ARHGEF37: variants seen among roughly 807,000 people sequenced by gnomAD.
The protein encoded by ARHGEF37 is Rho guanine nucleotide exchange factor (GEF) 37.
A neutral mutation model predicts 71.1 loss-of-function variants in ARHGEF37; 55 were observed. The ratio of observed to expected loss-of-function variants is 0.77; its 90% CI spans 0.62 to 0.97. ARHGEF37 has a LOEUF of 0.97. ARHGEF37 is among the 50% of genes least tolerant of loss of function. ARHGEF37 has a pLI of 0.00. For missense variants in ARHGEF37, 765 were observed against 836.8 expected, an observed-to-expected ratio of 0.91 and a Z score of 1.06; for synonymous variants, 327 against 350.6, an observed-to-expected ratio of 0.93 and a Z score of 0.75.
intron 3 of ARHGEF37, among the ~76,000 whole-genome samples, chr5:149,601,881 G>A (rs1763764261): frequency 6.6e-6 from 1 of 152,042 alleles, no homozygotes; most frequent in Non-Finnish European, 1.5e-5. Flanking sequence ...TGGCTCCAGG[G>A]AAATTAGTGA....
At position 149,588,808 on chromosome 5, in the gene ARHGEF37, G is replaced by A. The variant is rs553785680; in HGVS notation, c.-12+7184G>A. ...AAAATGGCTCCCCTTTAAAGCCTTG[G>A]GCAGCTAGCTGATGGATCCTCAACT... On this transcript the variant is annotated intron_variant, in intron 1 of 12. Transcript: ENST00000333677. Among the ~76,000 whole-genome samples the A allele has an allele frequency of 2.1e-3, 327 of 152,258 alleles. 2 individuals carry two copies. Among genetic ancestry groups the A allele is most frequent in the African/African-American group, 7.3e-3 (305 of 41,558 alleles).
intron 1 of ARHGEF37, among the ~76,000 whole-genome samples, chr5:149,561,070 C>T (rs1762822512): frequency 6.6e-6 from 1 of 152,014 alleles, no homozygotes; most frequent in Non-Finnish European, 1.5e-5. Flanking sequence ...GTCAGGAGTT[C>T]GAGACCAGAC....
At chr5:149,559,708 T>G (rs1370712829) in intron 1 of ARHGEF37, among the ~76,000 whole-genome samples, 1 of 152,220 alleles carries the variant, frequency 6.6e-6, no homozygotes, top group African/African-American at 2.4e-5. Context: ...AAACCCGTAT[T>G]CATGGACTAT....
At chr5:149,604,708 A>C in intron 3 of ARHGEF37, among the ~76,000 whole-genome samples, 2 of 53,428 alleles carry the variant, frequency 3.7e-5, no homozygotes, top group Non-Finnish European at 3.9e-5. Context: ...TTTGAGACAG[A>C]ATCTCTCTCT....
chr5:149,559,080 T>C (rs1322608729), intron 1 of ARHGEF37, among the ~76,000 whole-genome samples: 1 of 152,128 alleles, frequency 6.6e-6, no homozygotes, highest in Admixed American at 6.6e-5. Flanking sequence ...CCCAGCACTT[T>C]GGGAGGCCGA....
chr5:149,568,497 C>A (rs1762924291), intron 1 of ARHGEF37, among the ~76,000 whole-genome samples: 1 of 152,094 alleles, frequency 6.6e-6, no homozygotes, highest in Admixed American at 6.6e-5. Flanking sequence ...TGAGCTTTAA[C>A]AAATGCATGT....
chr5:149,566,826 T>C (rs1762905348), intron 1 of ARHGEF37, among the ~76,000 whole-genome samples: 1 of 152,188 alleles, frequency 6.6e-6, no homozygotes, highest in Non-Finnish European at 1.5e-5. Context: ...CTCCCCACTT[T>C]CAATTTTATA....
intron 1 of ARHGEF37, among the ~76,000 whole-genome samples, chr5:149,558,319 A>C (rs1762780617): frequency 6.6e-6 from 1 of 152,140 alleles, no homozygotes; most frequent in Admixed American, 6.5e-5. Context: ...CAGCCTGACC[A>C]ACATGGTGAA....
chr5:149,624,241 A>G (rs955527263), intron 10 of ARHGEF37, 101 bp downstream of exon 10: 35 of 1,424,614 alleles, frequency 2.5e-5, no homozygotes, highest in South Asian at 6.2e-5. Context: ...TGGTCCCCCA[A>G]TGTTTCCTGT....
At chr5:149,554,149 G>A (rs1762720798) in intron 1 of ARHGEF37, among the ~76,000 whole-genome samples, 1 of 152,120 alleles carries the variant, frequency 6.6e-6, no homozygotes, top group South Asian at 2.1e-4. Flanking sequence ...GCCTGGGCAA[G>A]AGAGTGAGAC....
At chr5:149,622,784 G>T (rs1359400690) in intron 9 of ARHGEF37, among the ~76,000 whole-genome samples, 1 of 152,116 alleles carries the variant, frequency 6.6e-6, no homozygotes, top group African/African-American at 2.4e-5. Flanking sequence ...TTTAGAATTT[G>T]GAAGACTGGA....
intron 2 of ARHGEF37, 126 bp from the exon 3 acceptor site, chr5:149,600,982 A>C (rs1763737803): frequency 1.5e-5 from 17 of 1,163,670 alleles, no homozygotes; most frequent in East Asian, 2.5e-5. Context: ...GCAAAATTCC[A>C]CTGGGGCAGC....
At chr5:149,622,401 G>C (rs1356690799) in intron 9 of ARHGEF37, among the ~76,000 whole-genome samples, 1 of 152,128 alleles carries the variant, frequency 6.6e-6, no homozygotes, top group Non-Finnish European at 1.5e-5. Context: ...ACAGAAGGTC[G>C]TTTCTACACA....
intron 1 of ARHGEF37, among the ~76,000 whole-genome samples, chr5:149,593,415 A>G (rs1763464760): frequency 6.6e-6 from 1 of 152,244 alleles, no homozygotes; most frequent in African/African-American, 2.4e-5. Context: ...TAAATGCAAT[A>G]ATAAAATATG....
chr5:149,605,780 G>A (rs1306996901), intron 3 of ARHGEF37, among the ~76,000 whole-genome samples: 2 of 152,168 alleles, frequency 1.3e-5, no homozygotes, highest in Non-Finnish European at 2.9e-5. Flanking sequence ...ACGTCTCTGA[G>A]GCTCAGAGAG....
chr5:149,588,816 G>A (rs117311236), intron 1 of ARHGEF37, among the ~76,000 whole-genome samples: 2,519 of 152,278 alleles, frequency 0.017, 47 homozygotes, highest in East Asian at 0.1. Context: ...TGGGCAGCTA[G>A]CTGATGGATC....
Position 149,621,912 on chromosome 5 carries a change from C to A in ARHGEF37, c.1185C>A (p.Tyr395Ter), listed in dbSNP as rs751268356. The A allele has an allele frequency of 1.9e-6, 3 of 1,614,232 alleles. No homozygotes were observed. The highest frequency in any genetic ancestry group is 2.5e-6 in the Non-Finnish European group (3 of 1,180,042). ...AGGAGGAGGCCGCCCGGCACACATA[C>A]CAGGCACTCAACTCGCTGCTAGTGG... ...TYQEEAARHT[Y>*]QALNSLLVAE... The change falls in exon 9 of 13, where the codon TAC becomes TAA. Residue 395 changes from tyrosine (Y) to a stop codon, truncating the protein, a stop_gained. Coordinates refer to ENST00000333677, the MANE Select transcript of ARHGEF37 (RefSeq NM_001001669.3). LOFTEE classifies it high-confidence loss of function.
intron 9 of ARHGEF37, among the ~76,000 whole-genome samples, chr5:149,623,086 A>G (rs1021473032): frequency 6.6e-6 from 1 of 152,180 alleles, no homozygotes; most frequent in Non-Finnish European, 1.5e-5. Flanking sequence ...GCCTCAGCTT[A>G]GAATGCCCCT....
intron 2 of ARHGEF37, among the ~76,000 whole-genome samples, chr5:149,599,465 C>G (rs971156692): frequency 1.1e-4 from 4 of 36,398 alleles, no homozygotes; most frequent in Admixed American, 1.0e-3. Context: ...TTACAGGAGA[C>G]AGGGTCTCAC....
Sources: gnomAD v4.1 joint callset for allele counts (sites outside exome capture counted in the v4.1 genomes callset) on GRCh38, gnomAD v4.1.1 for gene constraint, MANE v1.5 for transcripts, NCBI Gene and HGNC (gene_info 2026-07-23, HGNC 2026-07-21) for gene names.